The following CHD3 variants were observed in gnomAD, a reference collection of about 807,000 sequenced individuals.
CHD3 encodes ATP-dependent chromatin remodeler CHD3.
In CHD3, 52 loss-of-function variants were observed where a neutral mutation model predicts 248.9. The observed-to-expected ratio is 0.21, with a 90% confidence interval of 0.17 to 0.26. The LOEUF is 0.26. Among genes scored for constraint, CHD3 ranks in the 10% least tolerant of loss-of-function variants. The pLI, the probability that CHD3 is intolerant of heterozygous loss-of-function variation, is 1.00. For synonymous variants in CHD3, 985 were observed against 985.2 expected, an observed-to-expected ratio of 1.00 and a Z score of 0.00; for missense variants, 1,482 against 2,605.8, an observed-to-expected ratio of 0.57 and a Z score of 9.39.
chr17:7,910,904 G>A lies in CHD3; in HGVS notation c.5812G>A (p.Ala1938Thr), dbSNP rs1482536453. Residue 1938 changes from alanine to threonine, a missense_variant, in exon 39 of 40, where the codon GCA (alanine) becomes ACA (threonine). Ala to Thr is a moderately conservative substitution (Grantham distance 58). Transcript: ENST00000330494. This position sits in a 1 kb window ranked among gnomAD's most constrained non-coding sequence, Gnocchi z 4.7. Reference sequence around the variant, plus strand: ...GGGGTACGGGGCGGCCTTCAGCGCCGCACCCGTAGGGGCCCTGGCCGCCGC... The same window carrying A: ...GGGGTACGGGGCGGCCTTCAGCGCCACACCCGTAGGGGCCCTGGCCGCCGC... ...PPGYGAAFSA[A>T]PVGALAAAGA... The A allele has an allele frequency of 8.1e-6, 13 of 1,613,464 alleles. No homozygotes were observed. Among genetic ancestry groups the A allele is most frequent in the African/African-American group, 2.7e-5 (2 of 74,948 alleles).
At chr17:7,901,031 T>C in intron 19 of CHD3, 38 bp downstream of exon 19, 1 of 1,599,414 alleles carries the variant, frequency 6.3e-7, no homozygotes, top group South Asian at 1.1e-5. Flanking sequence ...GAACGCCCAT[T>C]CTCAGAAAAC....
In CHD3 at chr17:7,897,292, C is replaced by T. The variant is rs370171222; in HGVS notation, c.1917C>T (p.His639=). The T allele has an allele frequency of 6.2e-7, 1 of 1,613,066 alleles. No individual in the cohort carries two copies. Among genetic ancestry groups the T allele is most frequent in the Non-Finnish European group, 8.5e-7 (1 of 1,179,624 alleles). ...TGACCGTCCACCGCATCATCAACCA[C>T]AGGTGAATCCTCGGTCCCTGGGAAG... ...EWMTVHRIIN[H]SVDKKGNYHY... is the part of the protein sequence containing the mutation. The change falls in exon 11 of 40, where the codon CAC becomes CAT. Residue 639 remains histidine (H), a splice_region_variant and synonymous_variant. Transcript: ENST00000330494. This position sits in a 1 kb window ranked among gnomAD's most constrained non-coding sequence, Gnocchi z 4.8.
intron 3 of CHD3, 45 bp downstream of exon 3, chr17:7,890,786 C>G: frequency 6.3e-7 from 1 of 1,581,528 alleles, no homozygotes; most frequent in South Asian, 1.1e-5. Flanking sequence ...GCATTAAAGA[C>G]GGGCATGAGG....
At position 7,910,697 on chromosome 17, in the gene CHD3, A is replaced by G. The variant is rs1228879091; in HGVS notation, c.5754+106A>G. On this transcript the variant is annotated intron_variant, in intron 38 of 39. Transcript: ENST00000330494. The surrounding 1 kb of genome is among the most constrained non-coding windows in gnomAD (Gnocchi z 4.7). ...ATACAATATGGAAAAACAACTTGCT[A>G]GAACACAGTCATCACCCTTGAGTGA... 1.8e-5 allele frequency: 28 copies of G among 1,515,494 alleles called. No individual in the cohort carries two copies. The highest frequency in any genetic ancestry group is 7.8e-5 in the Admixed American group (4 of 51,256). The allele number at this position is 1,515,494 out of a possible 1,614,324, so 93.9% of individuals were successfully genotyped here.
At position 7,906,489 on chromosome 17, in the gene CHD3, C is replaced by T. The variant is rs1364923388; in HGVS notation, c.4359-64C>T. On this transcript the variant is annotated intron_variant, in intron 28 of 39. Transcript: ENST00000330494. This position sits in a 1 kb window ranked among gnomAD's most constrained non-coding sequence, Gnocchi z 5.0. Reference sequence around the variant, plus strand: ...GGGGTCCTCAGTCATCCTCGCGCCTCCCTCACTGCCCTATACCCCTTCTGT... The same window carrying T: ...GGGGTCCTCAGTCATCCTCGCGCCTTCCTCACTGCCCTATACCCCTTCTGT... 29 of 1,572,444 alleles carry T rather than the reference C, an allele frequency of 1.8e-5. No individual in the cohort carries two copies. Among genetic ancestry groups the T allele is most frequent in the Non-Finnish European group, 2.5e-5 (29 of 1,150,746 alleles).
upstream of CHD3, among the ~76,000 whole-genome samples, chr17:7,885,894 T>C (rs1967850246): frequency 1.3e-5 from 2 of 152,216 alleles, no homozygotes; most frequent in Admixed American, 6.5e-5. Context: ...CCCCAGCCTG[T>C]GCAGGGACAG....
intron 4 of CHD3, 115 bp downstream of exon 4, chr17:7,891,179 A>G: frequency 4.1e-6 from 5 of 1,214,954 alleles, no homozygotes; most frequent in Non-Finnish European, 5.9e-6. Flanking sequence ...TTCACGGTGT[A>G]TACACACCAA....
Position 7,911,866 on chromosome 17 carries a change from C to A in CHD3, c.*281C>A. 1 of 763,774 alleles carries A rather than the reference C, an allele frequency of 1.3e-6. No individual in the cohort carries two copies. Among genetic ancestry groups the A allele is most frequent in the Non-Finnish European group, 1.9e-6 (1 of 516,144 alleles). 47.3% of individuals were successfully genotyped at this position (763,774 alleles called of 1,614,324 possible). On this transcript the variant is annotated 3_prime_UTR_variant, in exon 40 of 40. Coordinates refer to ENST00000330494, the MANE Select transcript of CHD3 (RefSeq NM_001005273.3). The surrounding 1 kb of genome is among the most constrained non-coding windows in gnomAD (Gnocchi z 5.4). ...GTCTTCCAAGTACCTTCCTCCCACA[C>A]TGCCAAGTATACACAACTTCCCAGT...
rs1471451791 is a variant in CHD3 at position 7,902,655 on chromosome 17, G to A, written c.3298G>A (p.Gly1100Ser). The A allele has an allele frequency of 6.2e-6, 10 of 1,613,970 alleles. No individual in the cohort carries two copies. The highest frequency in any genetic ancestry group is 8.5e-6 in the Non-Finnish European group (10 of 1,179,938). Reference protein sequence around the residue: ...DLLEDFLDYEGYKYERIDGGI... With the variant: ...DLLEDFLDYESYKYERIDGGI... Reference sequence around the variant, plus strand: ...GCTTGAGGACTTCTTAGACTATGAAGGCTACAAGTATGAGCGCATCGATGG... The same window carrying A: ...GCTTGAGGACTTCTTAGACTATGAAAGCTACAAGTATGAGCGCATCGATGG... The change falls in exon 21 of 40, where the codon GGC becomes AGC. Residue 1100 changes from glycine to serine, a missense_variant. By Grantham distance (56) the Gly-to-Ser change is moderately conservative. Transcript: ENST00000330494.
chr17:7,897,385 A>G lies in CHD3; in HGVS notation c.1919+91A>G. On this transcript the variant is annotated intron_variant, in intron 11 of 39. Coordinates refer to ENST00000330494, the MANE Select transcript of CHD3 (RefSeq NM_001005273.3). This position sits in a 1 kb window ranked among gnomAD's most constrained non-coding sequence, Gnocchi z 4.8. ...CCATGTTAGTATTTGCTGATTAACC[A>G]GGTAATTGATCTAACCTTGATAACC... The G allele has an allele frequency of 8.7e-7, 1 of 1,146,218 alleles. No individual in the cohort carries two copies. Among genetic ancestry groups the G allele is most frequent in the Non-Finnish European group, 1.3e-6 (1 of 783,404 alleles). 71.0% of individuals were successfully genotyped at this position (1,146,218 alleles called of 1,614,324 possible). A position where few individuals can be genotyped will look rare whatever the true frequency, so the allele number is the denominator to read the frequency against.
At position 7,906,776 on chromosome 17, in the gene CHD3, T is replaced by G. The variant is rs148476518; in HGVS notation, c.4503+79T>G. 4.6e-4 allele frequency: 736 copies of G among 1,587,428 alleles called. 12 individuals are homozygous for G. The East Asian group carries it at 0.016, about 35-fold the overall frequency. On this transcript the variant is annotated intron_variant, in intron 29 of 39. Coordinates refer to ENST00000330494, the MANE Select transcript of CHD3 (RefSeq NM_001005273.3). This position sits in a 1 kb window ranked among gnomAD's most constrained non-coding sequence, Gnocchi z 5.0. ...TTCCTCTGCCTCTGTCCCTGAGTTG[T>G]AAGCTTGCGCTGGTGTGAGACGGAG...
Position 7,893,421 on chromosome 17 carries a change from A to G in CHD3, c.645A>G (p.Ala215=). The G allele has an allele frequency of 6.2e-7, 1 of 1,611,314 alleles. No homozygotes were observed. Among genetic ancestry groups the G allele is most frequent in the Non-Finnish European group, 8.5e-7 (1 of 1,178,560 alleles). ...CTGCTGTGGCGGCGGCAGCGGCAGC[A>G]GCAGCAGCAGCTGTAGCTGAGCAGG... ...SAAAVAAAAA[A]AAAAVAEQVS... Residue 215 remains alanine (A), a synonymous_variant, in exon 5 of 40, where the codon GCA becomes GCG. Transcript: ENST00000330494.
Position 7,907,367 on chromosome 17 carries a change from C to A in CHD3, c.4803C>A (p.Ser1601Arg). ...TCCTCTTCCAGGCTGATGCCCCCAG[C>A]CCAGCCCCATCACTTGGGGAGCGGC... ...EKMETEADAP[S>R]PAPSLGERLE... is the part of the protein sequence containing the mutation. The change falls in exon 32 of 40, where the codon AGC (serine) becomes AGA (arginine). Residue 1601 changes from serine to arginine, a missense_variant. Ser to Arg is a moderately radical substitution (Grantham distance 110). Coordinates refer to ENST00000330494, the MANE Select transcript of CHD3 (RefSeq NM_001005273.3). The surrounding 1 kb of genome is among the most constrained non-coding windows in gnomAD (Gnocchi z 4.3). 6.2e-7 allele frequency: 1 copy of A among 1,605,662 alleles called. No individual in the cohort carries two copies. Among genetic ancestry groups the A allele is most frequent in the Non-Finnish European group, 8.5e-7 (1 of 1,175,652 alleles).
chr17:7,891,243 A>G (rs1267241330), intron 4 of CHD3, among the ~76,000 whole-genome samples, 179 bp downstream of exon 4: 1 of 152,222 alleles, frequency 6.6e-6, no homozygotes, highest in Non-Finnish European at 1.5e-5. Flanking sequence ...CAAGAACCCC[A>G]GTTGAGAACT....
intron 20 of CHD3, among the ~76,000 whole-genome samples, chr17:7,901,591 A>G (rs983611391): frequency 2.0e-5 from 3 of 148,310 alleles, no homozygotes; most frequent in African/African-American, 7.5e-5. Context: ...GCTCACTGCA[A>G]CCTCTGCTTC....
rs1014371971 is a variant in CHD3 at position 7,895,108 on chromosome 17, G to T, written c.1461G>T (p.Leu487=). 2 of 1,614,076 alleles carry T rather than the reference G, an allele frequency of 1.2e-6. No individual in the cohort carries two copies. Among genetic ancestry groups the T allele is most frequent in the East Asian group, 4.5e-5 (2 of 44,876 alleles). The change falls in exon 9 of 40, where the codon CTG becomes CTT. Residue 487 remains leucine, a synonymous_variant. Transcript: ENST00000330494. The surrounding 1 kb of genome is among the most constrained non-coding windows in gnomAD (Gnocchi z 4.9). ...SYHIHCLNPP[L]PDIPNGEWLC... ...ACATTCATTGTCTAAACCCTCCCCT[G>T]CCTGACATTCCCAATGGTGAATGGC...
rs533198288 is a variant in CHD3 at position 7,910,048 on chromosome 17, C to T, written c.5591-380C>T. 2 of 323,154 alleles carry T rather than the reference C, an allele frequency of 6.2e-6. No individual in the cohort carries two copies. The highest frequency in any genetic ancestry group is 5.6e-5 in the South Asian group (2 of 35,984). The allele number at this position is 323,154 out of a possible 1,614,324, so 20.0% of individuals were successfully genotyped here. On this transcript the variant is annotated intron_variant, in intron 37 of 39. Transcript: ENST00000330494. The surrounding 1 kb of genome is among the most constrained non-coding windows in gnomAD (Gnocchi z 4.7). ...ACCTCCCATGCCTCCTGACTATTTC[C>T]TCCCCATCATCCCCAACCCCAAACC...
In CHD3 at chr17:7,893,513, C is replaced by A; in HGVS notation, c.737C>A (p.Pro246His). 1 of 1,586,518 alleles carries A rather than the reference C, an allele frequency of 6.3e-7. No individual in the cohort carries two copies. Among genetic ancestry groups the A allele is most frequent in the Middle Eastern group, 1.9e-4 (1 of 5,136 alleles). ...PSGPPALPPP[P>H]AADIQPPPIR... is the part of the protein sequence containing the mutation. The stretch of plus-strand genomic sequence containing the variant: ...GGACCCCCCGCCCTTCCACCACCCC[C>A]TGCTGCTGATATCCAGCCCCCACCC... Residue 246 changes from proline (P) to histidine (H), a missense_variant, in exon 5 of 40, where the codon CCT becomes CAT. By Grantham distance (77) the Pro-to-His change is moderately conservative (BLOSUM62 -2). Transcript: ENST00000330494.
In CHD3 at chr17:7,901,261, C is replaced by T. The variant is rs1426296927; in HGVS notation, c.3138C>T (p.Pro1046=). The T allele has an allele frequency of 1.2e-6, 2 of 1,610,552 alleles. No individual in the cohort carries two copies. Among genetic ancestry groups the T allele is most frequent in the Non-Finnish European group, 1.7e-6 (2 of 1,178,238 alleles). ...CTTTTCAGGAGTCCCCCAAACTCCC[C>T]AGTGGGGCTTATGAGGGTGGGGCAC... ...PVAAMESPKL[P]SGAYEGGALI... The change falls in exon 20 of 40, where the codon CCC becomes CCT. Residue 1046 remains proline (P), a synonymous_variant. Transcript: ENST00000330494.
Sources: gnomAD v4.1 joint callset for allele counts (sites outside exome capture counted in the v4.1 genomes callset) on GRCh38, gnomAD v4.1.1 for gene constraint, Gnocchi (gnomAD v3.1) non-coding constraint, MANE v1.5 for transcripts, NCBI Gene and HGNC (gene_info 2026-07-23, HGNC 2026-07-21) for gene names.